Variants in RAD18 observed in about 807,000 individuals in gnomAD.
RAD18 encodes the protein E3 ubiquitin-protein ligase RAD18.
RAD18 carries 47 observed loss-of-function variants against 60.4 expected under a neutral mutation model. That is an observed-to-expected ratio of 0.78 (90% confidence interval 0.62 to 0.99). The LOEUF (loss-of-function observed/expected upper bound fraction) is 0.99, where lower values mean the gene tolerates loss of function less well. Ranked by LOEUF, RAD18 falls within the 50% of genes least tolerant of loss-of-function variation. The pLI, the probability that RAD18 is intolerant of heterozygous loss-of-function variation, is 0.00. For synonymous variants in RAD18, 225 were observed against 195.5 expected (o/e 1.15, Z -1.26); for missense variants, 640 against 593.3 (o/e 1.08, Z -0.82).
chr3:8,943,831 G>A (rs1437737005), intron 4 of RAD18, among the ~76,000 whole-genome samples: 1 of 152,168 alleles, frequency 6.6e-6, no homozygotes, highest in Admixed American at 6.5e-5. Context: ...AGCATGAAGG[G>A]TTGCCAAAAC....
intron 9 of RAD18, among the ~76,000 whole-genome samples, chr3:8,906,059 C>T (rs1189146783): frequency 2.6e-5 from 4 of 152,132 alleles, no homozygotes; most frequent in Non-Finnish European, 4.4e-5. Flanking sequence ...TGCCTTTGAA[C>T]CTAGAGTGTG....
chr3:8,960,080 G>A (rs1941072076), intron 1 of RAD18, among the ~76,000 whole-genome samples: 1 of 152,198 alleles, frequency 6.6e-6, no homozygotes, highest in African/African-American at 2.4e-5. Context: ...GGCCAAGGCA[G>A]GAGAACTGCT....
At position 8,935,051 on chromosome 3, in the gene RAD18, G is replaced by C. The variant is rs371359909; in HGVS notation, c.889+820C>G. Among the ~76,000 whole-genome samples, 43 of 152,352 alleles carry C rather than the reference G, an allele frequency of 2.8e-4. No homozygotes were observed. The East Asian group carries it at 6.2e-3, about 22-fold the overall frequency. Reference sequence around the variant, plus strand: ...AAGTCAAGACAGTGGTCAAATGTGAGAATGAAGGAGTGAATGGGAGGGGGC... The same window carrying C: ...AAGTCAAGACAGTGGTCAAATGTGACAATGAAGGAGTGAATGGGAGGGGGC... On this transcript the variant is annotated intron_variant, in intron 7 of 12. Transcript: ENST00000264926.
intron 12 of RAD18, 129 bp downstream of exon 12, chr3:8,890,259 TA>T (rs1939661719): frequency 1.5e-6 from 1 of 682,666 alleles, no homozygotes; most frequent in African/African-American, 1.8e-5. Context: ...TGAAAATCTT[TA>T]CCTTGCATGA....
At chr3:8,928,024 C>T (rs1182387650) in intron 7 of RAD18, among the ~76,000 whole-genome samples, 3 of 142,816 alleles carry the variant, frequency 2.1e-5, no homozygotes, top group Admixed American at 7.0e-5. Flanking sequence ...CAAACCTGCA[C>T]GTTGTGCACA....
chr3:8,957,803 T>C (rs1941036767), intron 2 of RAD18, among the ~76,000 whole-genome samples: 1 of 152,226 alleles, frequency 6.6e-6, no homozygotes, highest in African/African-American at 2.4e-5. Context: ...TATCAGATAA[T>C]GAAAATGTTC....
intron 9 of RAD18, among the ~76,000 whole-genome samples, chr3:8,910,821 T>C (rs1940094105): frequency 1.3e-5 from 2 of 152,186 alleles, no homozygotes; most frequent in Admixed American, 6.5e-5. Flanking sequence ...CAATAGTTAA[T>C]GTGAAATTGA....
chr3:8,939,607 A>G lies in RAD18; in HGVS notation c.651T>C (p.Asn217=). Residue 217 remains asparagine (N), a synonymous_variant, in exon 6 of 13, where the codon AAT becomes AAC. Coordinates refer to ENST00000264926, the MANE Select transcript of RAD18 (RefSeq NM_020165.4). Reference sequence around the variant, plus strand: ...GTGATAAACAGCTGTCTAAATGCTTATTAATGTGACTTTCTGGAATGTTAA... The same window carrying G: ...GTGATAAACAGCTGTCTAAATGCTTGTTAATGTGACTTTCTGGAATGTTAA... ...CGVNIPESHI[N]KHLDSCLSRE... 1 of 1,613,240 alleles carries G rather than the reference A, an allele frequency of 6.2e-7. No individual in the cohort carries two copies. The highest frequency in any genetic ancestry group is 8.5e-7 in the Non-Finnish European group (1 of 1,179,378).
At chr3:8,906,985 T>C (rs1940018169) in intron 9 of RAD18, among the ~76,000 whole-genome samples, 1 of 152,240 alleles carries the variant, frequency 6.6e-6, no homozygotes, top group Non-Finnish European at 1.5e-5. Flanking sequence ...AATTTCACTG[T>C]GGTCAGAGAA....
chr3:8,920,203 T>C (rs1006257961), intron 7 of RAD18, among the ~76,000 whole-genome samples: 1 of 138,604 alleles, frequency 7.2e-6, no homozygotes, highest in Non-Finnish European at 1.5e-5. Context: ...GGCGTGAACC[T>C]GGGAGGCGGA....
At chr3:8,954,921 C>T (rs1319514564) in intron 2 of RAD18, among the ~76,000 whole-genome samples, 2 of 152,012 alleles carry the variant, frequency 1.3e-5, no homozygotes, top group South Asian at 2.1e-4. Flanking sequence ...AAGAGGCCTA[C>T]TGAATACTGA....
intron 7 of RAD18, among the ~76,000 whole-genome samples, chr3:8,929,787 G>A (rs633327): frequency 0.54 from 82,552 of 151,844 alleles, 26,279 homozygotes; most frequent in Middle Eastern, 0.71. Context: ...GATTACAGGC[G>A]CCTGCCACCA....
At chr3:8,958,109 C>T (rs45471002) in intron 2 of RAD18, among the ~76,000 whole-genome samples, 3,259 of 152,266 alleles carry the variant, frequency 0.021, 69 homozygotes, top group South Asian at 0.036. Flanking sequence ...ACCCGATTTT[C>T]AAGAGTCAAG....
At chr3:8,909,674 A>T (rs912275849) in intron 9 of RAD18, among the ~76,000 whole-genome samples, 1 of 152,224 alleles carries the variant, frequency 6.6e-6, no homozygotes, top group African/African-American at 2.4e-5. Context: ...CCAAATTATC[A>T]ATCAATAATA....
chr3:8,927,691 A>G (rs1168432753), intron 7 of RAD18, among the ~76,000 whole-genome samples: 2 of 152,236 alleles, frequency 1.3e-5, no homozygotes, highest in Non-Finnish European at 2.9e-5. Flanking sequence ...CTGGGTTAAG[A>G]AAATGTGGCA....
chr3:8,949,891 C>A (rs545280411), intron 2 of RAD18, among the ~76,000 whole-genome samples: 1 of 152,324 alleles, frequency 6.6e-6, no homozygotes, highest in East Asian at 1.9e-4. Flanking sequence ...TGTCCTCACA[C>A]TTCTGTGAGT....
intron 9 of RAD18, among the ~76,000 whole-genome samples, chr3:8,911,596 C>T (rs987682792): frequency 2.5e-4 from 6 of 24,060 alleles, no homozygotes; most frequent in African/African-American, 5.3e-4. Context: ...CTACATCCAG[C>T]GCAGGTGTGC....
rs145063311 is a variant in RAD18 at position 8,904,637 on chromosome 3, T to C, written c.1028-2117A>G. On this transcript the variant is annotated intron_variant, in intron 9 of 12. Transcript: ENST00000264926. ...GCTAGGTGATTTCTTTGAGGTCCTATTTCACTCTACGCACTTGAGGATAAT... is the reference window on the plus strand; with the variant it reads ...GCTAGGTGATTTCTTTGAGGTCCTACTTCACTCTACGCACTTGAGGATAAT... Among the ~76,000 whole-genome samples the C allele has an allele frequency of 2.7e-3, 408 of 152,346 alleles. 2 individuals carry two copies. The highest frequency in any genetic ancestry group is 9.1e-3 in the African/African-American group (379 of 41,586).
chr3:8,888,180 C>A (rs1939611343), intron 12 of RAD18, among the ~76,000 whole-genome samples: 1 of 152,190 alleles, frequency 6.6e-6, no homozygotes, highest in Non-Finnish European at 1.5e-5. Flanking sequence ...GCGTCTTTCC[C>A]TTGTGGACCT....
Sources: gnomAD v4.1 joint callset for allele counts (sites outside exome capture counted in the v4.1 genomes callset) on GRCh38, gnomAD v4.1.1 for gene constraint, MANE v1.5 for transcripts, NCBI Gene and HGNC (gene_info 2026-07-23, HGNC 2026-07-21) for gene names.